DIAPH3: variants seen among roughly 807,000 people sequenced by gnomAD.
The protein encoded by DIAPH3 is protein diaphanous homolog 3.
Under a neutral mutation model 144.3 loss-of-function variants are expected in DIAPH3, and 117 were observed. The observed-to-expected ratio is 0.81, with a 90% CI of 0.70 to 0.95. DIAPH3 has a LOEUF of 0.95. DIAPH3 is among the 40% of genes least tolerant of loss of function. The pLI is 0.00. For synonymous variants in DIAPH3, 519 were observed against 488.9 expected, an observed-to-expected ratio of 1.06 and a Z score of -0.81; for missense variants, 1,421 against 1,412.7, an observed-to-expected ratio of 1.01 and a Z score of -0.09.
chr13:59,813,784 C>T (rs1057312053), intron 24 of DIAPH3, among the ~76,000 whole-genome samples: 1 of 147,946 alleles, frequency 6.8e-6, no homozygotes, highest in Non-Finnish European at 1.5e-5. Flanking sequence ...ACCTGGGATG[C>T]AGGCGGCAGA....
intron 17 of DIAPH3, among the ~76,000 whole-genome samples, chr13:59,939,947 T>C (rs1046671732): frequency 4.6e-5 from 7 of 151,628 alleles, no homozygotes; most frequent in Non-Finnish European, 7.4e-5. Context: ...TGGTTTATAA[T>C]CCTTCAAGCC....
intron 27 of DIAPH3, among the ~76,000 whole-genome samples, chr13:59,758,779 C>CTTT (rs869088245): frequency 1.4e-5 from 2 of 139,122 alleles, no homozygotes; most frequent in South Asian, 2.3e-4. Flanking sequence ...TTTTCTCTCT[C>CTTT]TTTTTTTTTT....
Position 59,809,057 on chromosome 13 carries a change from C to A in DIAPH3, c.3163+1731G>T, listed in dbSNP as rs183867934. On this transcript the variant is annotated intron_variant, in intron 25 of 27. Transcript: ENST00000400324. ...TACATTGGAAGTTTTATTAGAATTTCTTTGCCCTATCAAGTTTCAATCTTT... is the reference window on the plus strand; with the variant it reads ...TACATTGGAAGTTTTATTAGAATTTATTTGCCCTATCAAGTTTCAATCTTT... 5.9e-5 allele frequency among the ~76,000 whole-genome samples: 9 copies of A among 152,278 alleles called. No homozygotes were observed. In the South Asian group the frequency reaches 6.2e-4, roughly 11 times the overall value.
chr13:60,064,718 T>C (rs2056892519), intron 4 of DIAPH3, among the ~76,000 whole-genome samples: 1 of 152,242 alleles, frequency 6.6e-6, no homozygotes. Context: ...GTAGCACTTT[T>C]AATTCCCTTT....
chr13:59,669,176 G>C (rs541607504), intron 27 of DIAPH3, among the ~76,000 whole-genome samples: 1 of 152,232 alleles, frequency 6.6e-6, no homozygotes, highest in Admixed American at 6.5e-5. Flanking sequence ...TCTCGCAACA[G>C]CTTTGTAAAG....
chr13:60,033,566 G>A (rs181368371), intron 5 of DIAPH3, among the ~76,000 whole-genome samples: 214 of 152,182 alleles, frequency 1.4e-3, no homozygotes, highest in African/African-American at 3.6e-3. Flanking sequence ...AAGAGAGTGT[G>A]GGCAGAGGTG....
chr13:60,085,757 T>C (rs902534831), intron 4 of DIAPH3, among the ~76,000 whole-genome samples: 1 of 152,196 alleles, frequency 6.6e-6, no homozygotes, highest in South Asian at 2.1e-4. Flanking sequence ...AGCTTCTTTA[T>C]ATTTGTATAT....
chr13:60,066,194 G>A (rs1424222303), intron 4 of DIAPH3, among the ~76,000 whole-genome samples: 1 of 151,948 alleles, frequency 6.6e-6, no homozygotes, highest in Non-Finnish European at 1.5e-5. Context: ...TAGTGGAAGT[G>A]CAGTAATTCA....
intron 9 of DIAPH3, among the ~76,000 whole-genome samples, chr13:60,005,682 C>T (rs557372577): frequency 3.3e-5 from 5 of 152,120 alleles, no homozygotes; most frequent in Admixed American, 2.6e-4. Flanking sequence ...GGGGTTTCAC[C>T]ATGTTAGCCA....
At chr13:59,733,937 A>T (rs2036012978) in intron 27 of DIAPH3, among the ~76,000 whole-genome samples, 1 of 152,220 alleles carries the variant, frequency 6.6e-6, no homozygotes, top group South Asian at 2.1e-4. Flanking sequence ...TTAGTATGGA[A>T]ACCAGCTTGT....
intron 20 of DIAPH3, among the ~76,000 whole-genome samples, chr13:59,898,778 T>C (rs2046272699): frequency 6.6e-6 from 1 of 152,060 alleles, no homozygotes; most frequent in South Asian, 2.1e-4. Context: ...AGTGAAGAGG[T>C]GTAATGGTTA....
intron 27 of DIAPH3, among the ~76,000 whole-genome samples, chr13:59,670,254 G>A (rs1342151730): frequency 6.6e-6 from 1 of 152,164 alleles, no homozygotes; most frequent in African/African-American, 2.4e-5. Flanking sequence ...GTGTAAAAAG[G>A]AAAGAGGCCA....
At chr13:60,067,916 C>A (rs2141331643) in intron 4 of DIAPH3, among the ~76,000 whole-genome samples, 1 of 152,190 alleles carries the variant, frequency 6.6e-6, no homozygotes, top group East Asian at 1.9e-4. Context: ...TAGGTGTGTG[C>A]ATGCACCCAC....
chr13:59,789,351 T>C (rs904837211), intron 25 of DIAPH3, among the ~76,000 whole-genome samples: 1 of 152,212 alleles, frequency 6.6e-6, no homozygotes, highest in Non-Finnish European at 1.5e-5. Flanking sequence ...GAGTGAAGTT[T>C]AACAAGCTTA....
chr13:59,971,092 T>G lies in DIAPH3; in HGVS notation c.1719A>C (p.Ser573=). The G allele has an allele frequency of 6.2e-7, 1 of 1,612,206 alleles. No homozygotes were observed. Among genetic ancestry groups the G allele is most frequent in the Non-Finnish European group, 8.5e-7 (1 of 1,179,100 alleles). The change falls in exon 16 of 28, where the codon TCA becomes TCC. Residue 573 remains serine, a synonymous_variant. Transcript: ENST00000400324. ...GCAGTGGAGGCGGAGGAGGAAGTGC[T>G]GAGTGGCCAGTTCCACCTTCTTTAG... The part of the protein sequence containing the change: ...PPSKEGGTGH[S]ALPPPPPLPS...
At chr13:59,740,235 T>G (rs2036381551) in intron 27 of DIAPH3, among the ~76,000 whole-genome samples, 1 of 152,238 alleles carries the variant, frequency 6.6e-6, no homozygotes, top group Non-Finnish European at 1.5e-5. Context: ...CGGAATATTT[T>G]AAGCACCGCA....
chr13:59,989,067 T>G (rs2051625952), intron 12 of DIAPH3, among the ~76,000 whole-genome samples: 1 of 151,786 alleles, frequency 6.6e-6, no homozygotes, highest in Non-Finnish European at 1.5e-5. Flanking sequence ...CTACTGTTTG[T>G]AAAAAGAAAA....
intron 20 of DIAPH3, among the ~76,000 whole-genome samples, chr13:59,910,791 A>G (rs2046959622): frequency 6.6e-6 from 1 of 150,978 alleles, no homozygotes; most frequent in African/African-American, 2.4e-5. Context: ...GTGAACAAGG[A>G]AAATCATGCT....
At chr13:59,792,498 C>G (rs2039380266) in intron 25 of DIAPH3, among the ~76,000 whole-genome samples, 1 of 152,206 alleles carries the variant, frequency 6.6e-6, no homozygotes, top group Admixed American at 6.5e-5. Flanking sequence ...CTAAGAGTTC[C>G]TTGACCTCCT....
Sources: allele counts gnomAD v4.1 joint callset (sites outside exome capture counted in the v4.1 genomes callset), GRCh38; gene constraint gnomAD v4.1.1; transcripts MANE v1.5; gene names NCBI Gene and HGNC (gene_info 2026-07-23, HGNC 2026-07-21).